VPS8: variants seen among roughly 807,000 people sequenced by gnomAD.
VPS8 encodes the protein vacuolar protein sorting-associated protein 8 homolog.
Under a neutral mutation model 216.4 loss-of-function variants are expected in VPS8, and 129 were observed. That is an observed-to-expected ratio of 0.60 (90% CI 0.52 to 0.69). VPS8 has a LOEUF of 0.69. Among genes scored for constraint, VPS8 ranks in the 30% least tolerant of loss-of-function variants. The probability of loss-of-function intolerance (pLI) is 0.00; values close to 1 mark genes in which losing one functional copy is unlikely to be tolerated. For missense variants in VPS8, 1,531 were observed against 1,683.5 expected (o/e 0.91, Z 1.59); for synonymous variants, 571 against 565.4 (o/e 1.01, Z -0.14).
intron 8 of VPS8, 104 bp downstream of exon 8, chr3:184,843,349 A>G (rs1255809166): frequency 4.7e-6 from 4 of 859,248 alleles, no homozygotes; most frequent in Non-Finnish European, 6.1e-6. Context: ...CGAAATGCTT[A>G]TTGAAAAAAA....
intron 36 of VPS8, among the ~76,000 whole-genome samples, chr3:184,946,772 C>G (rs1034240158): frequency 2.0e-5 from 3 of 152,158 alleles, no homozygotes; most frequent in Non-Finnish European, 4.4e-5. Context: ...TCCTCATCCA[C>G]ACTGTTTTCT....
intron 23 of VPS8, 108 bp downstream of exon 23, chr3:184,895,033 T>C: frequency 1.1e-6 from 1 of 874,580 alleles, no homozygotes; most frequent in Non-Finnish European, 1.7e-6. Context: ...ACCGTAATTA[T>C]TTATTGAGCA....
intron 40 of VPS8, among the ~76,000 whole-genome samples, chr3:184,981,971 T>A (rs916355802): frequency 2.1e-5 from 3 of 145,658 alleles, no homozygotes; most frequent in South Asian, 2.2e-4. Context: ...GTTTTTTTTT[T>A]AATCTCTTGA....
intron 38 of VPS8, among the ~76,000 whole-genome samples, chr3:184,965,286 C>G (rs1438215963): frequency 1.3e-5 from 2 of 152,184 alleles, no homozygotes; most frequent in Middle Eastern, 3.2e-3. Flanking sequence ...GAAGAATCAT[C>G]CACAGAGGCT....
rs188790947 is a variant in VPS8, at chr3:184,845,290, A to C, written c.541+2045A>C. ...GAGGTTTTATGTTTATTTTGGTCAA[A>C]TATTTCCCAGAATTGTCCAGAATTT... On this transcript the variant is annotated intron_variant, in intron 8 of 47. Transcript: ENST00000625842. 3.3e-5 allele frequency among the ~76,000 whole-genome samples: 5 copies of C among 152,306 alleles called. No homozygotes were observed. In the East Asian group the frequency reaches 7.7e-4, roughly 24 times the overall value.
intron 42 of VPS8, among the ~76,000 whole-genome samples, chr3:184,989,319 G>A (rs934862397): frequency 5.3e-5 from 8 of 152,200 alleles, no homozygotes; most frequent in South Asian, 2.1e-4. Flanking sequence ...TCTATCATGA[G>A]TGGGCGTTGG....
intron 25 of VPS8, among the ~76,000 whole-genome samples, chr3:184,913,190 A>G (rs1465145806): frequency 6.6e-6 from 1 of 152,158 alleles, no homozygotes; most frequent in Admixed American, 6.5e-5. Flanking sequence ...ACACTAATTA[A>G]TTGGTTCTGA....
intron 1 of VPS8, among the ~76,000 whole-genome samples, chr3:184,813,537 A>G (rs541990692): frequency 5.9e-5 from 9 of 152,226 alleles, no homozygotes; most frequent in Non-Finnish European, 1.3e-4. Flanking sequence ...TCCTCTGGCA[A>G]TAGCTGGCCT....
intron 46 of VPS8, among the ~76,000 whole-genome samples, chr3:185,030,513 G>A (rs2108445084): frequency 6.6e-6 from 1 of 152,252 alleles, no homozygotes; most frequent in South Asian, 2.1e-4. Context: ...TTCCAGTTAG[G>A]GACAATGCAC....
chr3:185,008,569 G>C (rs754343365), intron 45 of VPS8, among the ~76,000 whole-genome samples: 2 of 152,014 alleles, frequency 1.3e-5, no homozygotes, highest in Non-Finnish European at 2.9e-5. Flanking sequence ...TGAGGGAAAC[G>C]TACGTTAGGT....
At chr3:184,850,205 G>A (rs1392994580) in intron 10 of VPS8, among the ~76,000 whole-genome samples, 183 bp downstream of exon 10, 1 of 152,120 alleles carries the variant, frequency 6.6e-6, no homozygotes, top group African/African-American at 2.4e-5. Flanking sequence ...CCAACATGAT[G>A]TTTTTCCAGG....
At chr3:185,038,095 G>T (rs981140892) in intron 46 of VPS8, among the ~76,000 whole-genome samples, 1 of 152,126 alleles carries the variant, frequency 6.6e-6, no homozygotes, top group Non-Finnish European at 1.5e-5. Context: ...CTATGTACTG[G>T]TCCCCCTACC....
intron 25 of VPS8, chr3:184,901,180 C>T (rs184461869): frequency 1.2e-3 from 676 of 547,782 alleles, no homozygotes; most frequent in Non-Finnish European, 1.9e-3. Flanking sequence ...ATCCTTTCCC[C>T]ACAGCCCTGC....
intron 25 of VPS8, among the ~76,000 whole-genome samples, chr3:184,911,760 G>A (rs1323690075): frequency 1.3e-5 from 2 of 152,084 alleles, no homozygotes; most frequent in Non-Finnish European, 2.9e-5. Flanking sequence ...TGGCCCCCTT[G>A]ATTTACAAGA....
At chr3:184,956,238 T>C (rs1454125659) in intron 36 of VPS8, among the ~76,000 whole-genome samples, 1 of 152,222 alleles carries the variant, frequency 6.6e-6, no homozygotes, top group Non-Finnish European at 1.5e-5. Flanking sequence ...AATTGTTCTT[T>C]CTGGAGTCCA....
chr3:184,855,002 C>A (rs1276374950), intron 13 of VPS8, among the ~76,000 whole-genome samples: 3 of 152,100 alleles, frequency 2.0e-5, no homozygotes, highest in Non-Finnish European at 4.4e-5. Context: ...CTTGTTGGTA[C>A]CCTGTGTGTC....
rs761993920 is a variant in VPS8 at position 184,887,988 on chromosome 3, CT to C, written c.1781+1848del. ...AGTAGGGATCTTGTTGAGAACATTA[CT>C]TTTTTTTTTTTTTTTGGAGACAGAA... On this transcript the variant is annotated intron_variant, in intron 22 of 47. Coordinates refer to ENST00000625842, the MANE Select transcript of VPS8 (RefSeq NM_001009921.3). Among the ~76,000 whole-genome samples, 636 of 139,934 alleles carry C rather than the reference CT, an allele frequency of 4.5e-3. 3 individuals carry two copies. The highest frequency in any genetic ancestry group is 0.021 in the South Asian group (94 of 4,416). 91.8% of individuals were successfully genotyped at this position (139,934 alleles called of 152,430 possible). A position where few individuals can be genotyped will look rare whatever the true frequency, so the allele number is the denominator to read the frequency against.
At chr3:185,026,642 C>G (rs1241099166) in intron 46 of VPS8, among the ~76,000 whole-genome samples, 1 of 151,340 alleles carries the variant, frequency 6.6e-6, no homozygotes, top group Non-Finnish European at 1.5e-5. Context: ...AACTCCTGAC[C>G]TCATGATCCA....
chr3:184,928,584 T>C, intron 32 of VPS8, 51 bp downstream of exon 32: 1 of 1,298,642 alleles, frequency 7.7e-7, no homozygotes, highest in East Asian at 2.8e-5. Flanking sequence ...TATTAAATTA[T>C]ATTTCTTTAA....
Sources: gnomAD v4.1 joint callset for allele counts (sites outside exome capture counted in the v4.1 genomes callset) on GRCh38, gnomAD v4.1.1 for gene constraint, MANE v1.5 for transcripts, NCBI Gene and HGNC (gene_info 2026-07-23, HGNC 2026-07-21) for gene names.